EPN2: variants seen among roughly 807,000 people sequenced by gnomAD.
EPN2 encodes epsin-2.
In EPN2, 34 loss-of-function variants were observed where a neutral mutation model predicts 61.7. That is an observed-to-expected ratio of 0.55 (90% CI 0.42 to 0.73). The LOEUF (loss-of-function observed/expected upper bound fraction) is 0.73, where lower values mean the gene tolerates loss of function less well. Ranked by LOEUF, EPN2 falls within the 30% of genes least tolerant of loss-of-function variation. The pLI, the probability that EPN2 is intolerant of heterozygous loss-of-function variation, is 0.00. For missense variants in EPN2, 714 were observed against 839.2 expected, an observed-to-expected ratio of 0.85 and a Z score of 1.84; for synonymous variants, 349 against 353.6, an observed-to-expected ratio of 0.99 and a Z score of 0.15.
rs1455897103 is a variant in EPN2 at position 19,309,992 on chromosome 17, G to A, written c.874G>A (p.Glu292Lys). 1 of 1,605,172 alleles carries A rather than the reference G, an allele frequency of 6.2e-7. No individual in the cohort carries two copies. The change falls in exon 5 of 11, where the codon GAG (glutamate) becomes AAG (lysine). Residue 292 changes from glutamate to lysine, a missense_variant. By Grantham distance (56) the Glu-to-Lys change is moderately conservative. Transcript: ENST00000314728. The part of the protein sequence containing the change: ...LALAMSREVA[E>K]QEERLRRGDD... ...ACTTGCCATGAGCAGAGAAGTGGCT[G>A]AGCAGGTCAGTGCCCCAGGCAGGTC...
At chr17:19,253,662 G>A (rs1214902802) in intron 1 of EPN2, among the ~76,000 whole-genome samples, 3 of 152,074 alleles carry the variant, frequency 2.0e-5, no homozygotes, top group African/African-American at 7.2e-5. Flanking sequence ...GCCTCCCACA[G>A]TGTTGGGATT....
In EPN2 at chr17:19,335,408, T is replaced by C. The variant is rs1220003933; in HGVS notation, c.*1154T>C. The C allele has an allele frequency of 2.6e-6, 4 of 1,549,892 alleles. No homozygotes were observed. Among genetic ancestry groups the C allele is most frequent in the African/African-American group, 1.4e-5 (1 of 73,044 alleles). On this transcript the variant is annotated 3_prime_UTR_variant, in exon 11 of 11. Coordinates refer to ENST00000314728, the MANE Select transcript of EPN2 (RefSeq NM_014964.5). ...TAATTCCTTTTTTTTATTAAAGGCA[T>C]GCAGGGATTAACAGGACTTCTGTTT...
intron 7 of EPN2, among the ~76,000 whole-genome samples, chr17:19,313,946 G>A (rs1156499244): frequency 1.3e-5 from 2 of 152,174 alleles, no homozygotes; most frequent in African/African-American, 2.4e-5. Flanking sequence ...CTGGCCTGGT[G>A]CCCTGGGAGG....
chr17:19,333,676 A>T (rs1210722529), intron 10 of EPN2, among the ~76,000 whole-genome samples: 4 of 152,164 alleles, frequency 2.6e-5, no homozygotes, highest in Non-Finnish European at 4.4e-5. Context: ...CAGAGGAGCC[A>T]GGGTGCCCCG....
At chr17:19,308,410 A>T in intron 4 of EPN2, 1 of 985,356 alleles carries the variant, frequency 1.0e-6, no homozygotes, top group Non-Finnish European at 1.2e-6. Flanking sequence ...TTAACCATGA[A>T]ATTGAATTCT....
chr17:19,327,967 G>A (rs1030122418), intron 7 of EPN2, among the ~76,000 whole-genome samples: 6 of 152,196 alleles, frequency 3.9e-5, no homozygotes, highest in African/African-American at 1.4e-4. Flanking sequence ...ACACAAATCT[G>A]TGTCTATACA....
At chr17:19,253,324 T>C (rs2045035091) in intron 1 of EPN2, among the ~76,000 whole-genome samples, 1 of 152,142 alleles carries the variant, frequency 6.6e-6, no homozygotes, top group African/African-American at 2.4e-5. Flanking sequence ...GACCAAATAA[T>C]ATTCCATTGT....
At chr17:19,294,829 C>T (rs1048292794) in intron 4 of EPN2, among the ~76,000 whole-genome samples, 2 of 152,166 alleles carry the variant, frequency 1.3e-5, no homozygotes, top group African/African-American at 2.4e-5. Context: ...GTACTGGGGG[C>T]TGCTGGTTCC....
chr17:19,325,853 A>G (rs1459058188), intron 7 of EPN2, among the ~76,000 whole-genome samples: 1 of 152,240 alleles, frequency 6.6e-6, no homozygotes, highest in African/African-American at 2.4e-5. Context: ...AGTTATTAGA[A>G]TTAAGAATTA....
intron 1 of EPN2, chr17:19,274,411 AG>A (rs2053506313): frequency 6.6e-6 from 1 of 152,236 alleles, no homozygotes; most frequent in African/African-American, 2.4e-5. Context: ...AGACATACAT[AG>A]GTGGAGCTAC....
At chr17:19,240,522 A>G (rs1234948313) in intron 1 of EPN2, among the ~76,000 whole-genome samples, 4 of 152,242 alleles carry the variant, frequency 2.6e-5, no homozygotes, top group Non-Finnish European at 5.9e-5. Flanking sequence ...CTGGGATTAC[A>G]GGTGTGAGCC....
At chr17:19,271,749 C>T (rs141686752) in intron 1 of EPN2, 6 of 152,386 alleles carry the variant, frequency 3.9e-5, no homozygotes, top group South Asian at 2.1e-4. Flanking sequence ...GTGAGCAAAC[C>T]GCTTGTTTTT....
intron 1 of EPN2, among the ~76,000 whole-genome samples, chr17:19,256,851 G>A (rs1195047225): frequency 1.3e-5 from 2 of 152,184 alleles, no homozygotes; most frequent in African/African-American, 4.8e-5. Context: ...CCTATTTGCT[G>A]TATAATGTGA....
At chr17:19,284,397 C>T (rs2045385156) in intron 3 of EPN2, among the ~76,000 whole-genome samples, 1 of 152,190 alleles carries the variant, frequency 6.6e-6, no homozygotes, top group Non-Finnish European at 1.5e-5. Flanking sequence ...AAGCTGGTCT[C>T]TGTGAGTCAC....
chr17:19,297,226 T>G (rs2045529040), intron 4 of EPN2: 1 of 152,244 alleles, frequency 6.6e-6, no homozygotes, highest in Non-Finnish European at 1.5e-5. Flanking sequence ...TGTGCAGTTT[T>G]GTTGTAGCCA....
rs548358070 is a variant in EPN2 at position 19,273,280 on chromosome 17, G to A, written c.-293-8675G>A. 2.6e-5 allele frequency: 4 copies of A among 152,216 alleles called. No individual in the cohort carries two copies. The South Asian group carries it at 8.3e-4, about 32-fold the overall frequency. The allele number at this position is 152,216 out of a possible 1,614,324, so 9.4% of individuals were successfully genotyped here. A position where few individuals can be genotyped will look rare whatever the true frequency, so the allele number is the denominator to read the frequency against. The stretch of plus-strand genomic sequence containing the variant: ...TGCTCAGCCTTTTTTTTAGAGGTTG[G>A]TTCTTCCTATGCAGTCAGCCCTTCC... On this transcript the variant is annotated intron_variant, in intron 1 of 10. Transcript: ENST00000314728.
intron 6 of EPN2, 135 bp downstream of exon 6, chr17:19,312,279 G>C (rs567026173): frequency 1.1e-4 from 71 of 659,062 alleles, no homozygotes; most frequent in Non-Finnish European, 1.8e-4. Flanking sequence ...CATGCCTGTA[G>C]TGAGCGAGAG....
chr17:19,294,058 C>T lies in EPN2; in HGVS notation c.766+8268C>T, dbSNP rs1295274042. Among the ~76,000 whole-genome samples the T allele has an allele frequency of 3.3e-5, 5 of 151,664 alleles. No individual in the cohort carries two copies. In the South Asian group the frequency reaches 1.0e-3, roughly 32 times the overall value. On this transcript the variant is annotated intron_variant, in intron 4 of 10. Coordinates refer to ENST00000314728, the MANE Select transcript of EPN2 (RefSeq NM_014964.5). The stretch of plus-strand genomic sequence containing the variant: ...TGAGCTGAGATCGCACCACTGTACT[C>T]CAGCCTGGGCAACAGAGCAAGACTC...
chr17:19,300,701 T>C (rs1382438112), intron 4 of EPN2, among the ~76,000 whole-genome samples: 2 of 152,256 alleles, frequency 1.3e-5, no homozygotes, highest in East Asian at 3.9e-4. Flanking sequence ...GTGCTGGGAT[T>C]ACAGGCATGA....
Sources: gnomAD v4.1 joint callset for allele counts (sites outside exome capture counted in the v4.1 genomes callset) on GRCh38, gnomAD v4.1.1 for gene constraint, MANE v1.5 for transcripts, NCBI Gene and HGNC (gene_info 2026-07-23, HGNC 2026-07-21) for gene names.